Variants in IGFN1 observed in about 807,000 individuals in gnomAD.
IGFN1 encodes immunoglobulin like and fibronectin type III domain containing 1.
IGFN1 carries 253 observed loss-of-function variants against 289.5 expected under a neutral mutation model. That is an observed-to-expected ratio of 0.87 (90% CI 0.79 to 0.97). IGFN1 has a LOEUF of 0.97. Among genes scored for constraint, IGFN1 ranks in the 50% least tolerant of loss-of-function variants. The pLI, the probability that IGFN1 is intolerant of heterozygous loss-of-function variation, is 0.00. For synonymous variants in IGFN1, 1,706 were observed against 1,788.5 expected (o/e 0.95, Z 1.16); for missense variants, 4,470 against 4,686.1 (o/e 0.95, Z 1.35).
intron 19 of IGFN1, 145 bp downstream of exon 19, chr1:201,221,891 T>TCAATAA: frequency 3.1e-6 from 2 of 647,264 alleles, no homozygotes; most frequent in Non-Finnish European, 5.3e-6. Context: ...TACTAGGTGC[T>TCAATAA]AGGTACTGGG....
chr1:201,208,813 G>C lies in IGFN1; in HGVS notation c.3920G>C (p.Arg1307Thr). ...GGTTCGGGGAGCAAGGCAGATTATAGGGATGGTGTAGGGGGTTCTGGGGCA... is the reference window on the plus strand; with the variant it reads ...GGTTCGGGGAGCAAGGCAGATTATACGGATGGTGTAGGGGGTTCTGGGGCA... ...NMGSGSKADY[R>T]DGVGGSGAMG... is the part of the protein sequence containing the mutation. Residue 1307 changes from arginine to threonine, a missense_variant, in exon 12 of 24, where the codon AGG becomes ACG. Physicochemically the swap from Arg to Thr is moderately conservative, Grantham distance 71 (BLOSUM62 -1). Around this residue, in one of 8 missense-constraint regions of IGFN1, gnomAD observed 2,011 missense variants for 1,953.4 expected, o/e 1.03. Transcript: ENST00000335211. 6.5e-7 allele frequency: 1 copy of C among 1,536,600 alleles called. No individual in the cohort carries two copies. The highest frequency in any genetic ancestry group is 1.2e-5 in the South Asian group (1 of 84,036).
At chr1:201,202,255 AG>A (rs1260201079) in intron 9 of IGFN1, among the ~76,000 whole-genome samples, 2 of 152,134 alleles carry the variant, frequency 1.3e-5, no homozygotes, top group East Asian at 3.9e-4. Context: ...AAATTTGGCT[AG>A]TTCTGTAGCC....
chr1:201,226,965 C>G lies in IGFN1; in HGVS notation c.10870C>G (p.Leu3624Val), dbSNP rs373380482. ...PRFLVGLRSH[L>V]LPQGCECCMS... is the part of the protein sequence containing the mutation. ...GTTCCTGGTGGGCCTGCGGTCCCACCTGCTGCCCCAGGGCTGCGAGTGCTG... is the reference window on the plus strand; with the variant it reads ...GTTCCTGGTGGGCCTGCGGTCCCACGTGCTGCCCCAGGGCTGCGAGTGCTG... The change falls in exon 23 of 24, where the codon CTG (leucine) becomes GTG (valine). Residue 3624 changes from leucine (L) to valine (V), a missense_variant. Physicochemically the swap from Leu to Val is conservative, Grantham distance 32 (BLOSUM62 1). Around this residue, in one of 8 missense-constraint regions of IGFN1, gnomAD observed 2,218 missense variants for 2,114.1 expected, o/e 1.05. Transcript: ENST00000335211. The G allele has an allele frequency of 6.2e-7, 1 of 1,612,992 alleles. No homozygotes were observed.
At position 201,212,747 on chromosome 1, in the gene IGFN1, A is replaced by G; in HGVS notation, c.7854A>G (p.Arg2618=). 1 of 1,551,540 alleles carries G rather than the reference A, an allele frequency of 6.4e-7. No individual in the cohort carries two copies. The highest frequency in any genetic ancestry group is 2.0e-5 in the Admixed American group (1 of 50,994). ...RGKSTSGPAD[R]QGTSNAWAPD... ...AGTCAACATCAGGGCCTGCTGATAG[A>G]CAAGGGACGAGCAATGCTTGGGCTC... The change falls in exon 12 of 24, where the codon AGA becomes AGG. Residue 2618 remains arginine, a synonymous_variant. Transcript: ENST00000335211.
chr1:201,218,765 G>C (rs1165079980), intron 18 of IGFN1, 107 bp downstream of exon 18: 3 of 1,125,604 alleles, frequency 2.7e-6, no homozygotes, highest in Non-Finnish European at 3.8e-6. Context: ...GGGCAGTCCT[G>C]AGGGAGATGG....
intron 12 of IGFN1, among the ~76,000 whole-genome samples, 173 bp downstream of exon 12, chr1:201,213,794 C>A (rs914762898): frequency 6.6e-6 from 1 of 152,170 alleles, no homozygotes; most frequent in Non-Finnish European, 1.5e-5. Flanking sequence ...ACCTCTTCCT[C>A]TTTACGCAGA....
In IGFN1 at chr1:201,226,923, C is replaced by A; in HGVS notation, c.10828C>A (p.Leu3610Met). 6.2e-7 allele frequency: 1 copy of A among 1,609,502 alleles called. No individual in the cohort carries two copies. Among genetic ancestry groups the A allele is most frequent in the Non-Finnish European group, 8.5e-7 (1 of 1,177,726 alleles). Reference sequence around the variant, plus strand: ...GGCTCCGTGCTACCGGGAGCCCGACCTGAGCCAGAAGCCCCGGTTCCTGGT... The same window carrying A: ...GGCTCCGTGCTACCGGGAGCCCGACATGAGCCAGAAGCCCCGGTTCCTGGT... ...VKAPCYREPD[L>M]SQKPRFLVGL... The change falls in exon 23 of 24, where the codon CTG (leucine) becomes ATG (methionine). Residue 3610 changes from leucine to methionine, a missense_variant. Leu to Met is a conservative substitution (Grantham distance 15). Coordinates refer to ENST00000335211, the MANE Select transcript of IGFN1 (RefSeq NM_001164586.2).
intron 2 of IGFN1, among the ~76,000 whole-genome samples, chr1:201,193,700 C>A (rs1280091929): frequency 6.6e-6 from 1 of 152,214 alleles, no homozygotes; most frequent in Non-Finnish European, 1.5e-5. Flanking sequence ...GATCTGCCCA[C>A]CTCGGCCTCC....
rs970864704 is a variant in IGFN1 at position 201,205,090 on chromosome 1, C to G, written c.925C>G (p.Pro309Ala). Residue 309 changes from proline to alanine, a missense_variant, in exon 11 of 24, where the codon CCA (proline) becomes GCA (alanine). By Grantham distance (27) the Pro-to-Ala change is conservative (BLOSUM62 -1). This residue lies in a region of IGFN1 where 2,011 missense variants were observed against 1,953.4 expected (regional missense o/e 1.03). Transcript: ENST00000335211. ...TCCTATTTCCCCGGCAGCCATCCCCCCAAGAGTGGTGGTCCCACTGGCGGA... is the reference window on the plus strand; with the variant it reads ...TCCTATTTCCCCGGCAGCCATCCCCGCAAGAGTGGTGGTCCCACTGGCGGA... ...STELEASAIP[P>A]RVVVPLAETH... is the part of the protein sequence containing the mutation. The G allele has an allele frequency of 1.3e-6, 2 of 1,545,542 alleles. No individual in the cohort carries two copies. Among genetic ancestry groups the G allele is most frequent in the East Asian group, 2.5e-5 (1 of 40,772 alleles).
In IGFN1 at chr1:201,212,041, A is replaced by G; in HGVS notation, c.7148A>G (p.His2383Arg). 6.5e-7 allele frequency: 1 copy of G among 1,536,360 alleles called. No individual in the cohort carries two copies. Among genetic ancestry groups the G allele is most frequent in the South Asian group, 1.2e-5 (1 of 84,062 alleles). ...GIGHEAGPRG[H>R]KAMGHRSGYW... Reference sequence around the variant, plus strand: ...GGACATGAGGCTGGACCCAGAGGCCATAAAGCCATGGGTCACAGGTCAGGA... The same window carrying G: ...GGACATGAGGCTGGACCCAGAGGCCGTAAAGCCATGGGTCACAGGTCAGGA... Residue 2383 changes from histidine to arginine, a missense_variant, in exon 12 of 24, where the codon CAT becomes CGT. Transcript: ENST00000335211.
chr1:201,200,990 C>G (rs1667127435), intron 8 of IGFN1, among the ~76,000 whole-genome samples: 1 of 152,040 alleles, frequency 6.6e-6, no homozygotes, highest in Non-Finnish European at 1.5e-5. Context: ...TGCCACCACA[C>G]CCAGCTAACT....
Position 201,207,536 on chromosome 1 carries a change from G to T in IGFN1, c.2643G>T (p.Gln881His). 6.5e-7 allele frequency: 1 copy of T among 1,536,826 alleles called. No individual in the cohort carries two copies. Among genetic ancestry groups the T allele is most frequent in the Non-Finnish European group, 8.7e-7 (1 of 1,146,772 alleles). The change falls in exon 12 of 24, where the codon CAG becomes CAT. Residue 881 changes from glutamine to histidine, a missense_variant. Around this residue, in one of 8 missense-constraint regions of IGFN1, gnomAD observed 2,011 missense variants for 1,953.4 expected, o/e 1.03. Transcript: ENST00000335211. ...TGGCTGGACTGACGGAGTCTGGTCA[G>T]GGGGTGGATGCCAGAAGCCACTGGC... Reference protein sequence around the residue: ...IWVAGLTESGQGVDARSHWLS... With the variant: ...IWVAGLTESGHGVDARSHWLS...
At chr1:201,217,251 A>G (rs1461148881) in intron 16 of IGFN1, 36 bp from the exon 17 acceptor site, 2 of 1,600,834 alleles carry the variant, frequency 1.2e-6, no homozygotes, top group Non-Finnish European at 1.7e-6. Context: ...CACCTTTCCC[A>G]GGCCTCTGGC....
chr1:201,221,910 T>C (rs935816970), intron 19 of IGFN1, among the ~76,000 whole-genome samples, 164 bp downstream of exon 19: 2 of 152,220 alleles, frequency 1.3e-5, no homozygotes, highest in African/African-American at 2.4e-5. Context: ...GGCTAGGCAG[T>C]CCCTTCTTAG....
chr1:201,208,469 C>T lies in IGFN1; in HGVS notation c.3576C>T (p.Leu1192=), dbSNP rs754742430. The change falls in exon 12 of 24, where the codon CTC becomes CTT. Residue 1192 remains leucine, a synonymous_variant. Coordinates refer to ENST00000335211, the MANE Select transcript of IGFN1 (RefSeq NM_001164586.2). ...YRDDTRHPES[L]APHNGAASGS... is the part of the protein sequence containing the mutation. ...ATGATACCAGGCACCCTGAGTCACT[C>T]GCACCTCACAATGGGGCCGCTTCTG... The T allele has an allele frequency of 2.9e-5, 42 of 1,445,970 alleles. No homozygotes were observed. The Middle Eastern group carries it at 1.1e-3, about 37-fold the overall frequency. 89.6% of individuals were successfully genotyped at this position (1,445,970 alleles called of 1,614,324 possible).
At position 201,221,499 on chromosome 1, in the gene IGFN1, C is replaced by A; in HGVS notation, c.9954C>A (p.Ile3318=). Residue 3318 remains isoleucine, a synonymous_variant, in exon 19 of 24, where the codon ATC becomes ATA. Coordinates refer to ENST00000335211, the MANE Select transcript of IGFN1 (RefSeq NM_001164586.2). ...LQVTDRSNTS[I]TLSWAGPDTQ... ...TCACAGACAGATCGAACACCAGCATCACTCTGAGCTGGGCTGGGCCAGACA... is the reference window on the plus strand; with the variant it reads ...TCACAGACAGATCGAACACCAGCATAACTCTGAGCTGGGCTGGGCCAGACA... 6.2e-7 allele frequency: 1 copy of A among 1,613,298 alleles called. No homozygotes were observed. Among genetic ancestry groups the A allele is most frequent in the Non-Finnish European group, 8.5e-7 (1 of 1,179,594 alleles).
intron 2 of IGFN1, 62 bp downstream of exon 2, chr1:201,193,362 G>A: frequency 2.4e-6 from 3 of 1,231,038 alleles, no homozygotes; most frequent in Non-Finnish European, 3.5e-6. Context: ...AGGACAGAGA[G>A]GAGAGAAGTG....
intron 22 of IGFN1, 38 bp from the exon 23 acceptor site, chr1:201,226,844 T>C: frequency 6.7e-7 from 1 of 1,502,808 alleles, no homozygotes; most frequent in Non-Finnish European, 9.0e-7. Context: ...CCTTCCTCGC[T>C]TTCTCACCCT....
rs1026769054 is a variant in IGFN1 at position 201,227,457 on chromosome 1, C to T, written c.11113+249C>T. On this transcript the variant is annotated intron_variant, in intron 23 of 23. Coordinates refer to ENST00000335211, the MANE Select transcript of IGFN1 (RefSeq NM_001164586.2). Reference sequence around the variant, plus strand: ...TTTTTTTTTTTTTGAGACGGAGTTTCGCTCTTGTTGCCCAGGTTGGAGTGC... The same window carrying T: ...TTTTTTTTTTTTTGAGACGGAGTTTTGCTCTTGTTGCCCAGGTTGGAGTGC... Among the ~76,000 whole-genome samples the T allele has an allele frequency of 4.3e-4, 65 of 149,848 alleles. 1 individual carries two copies. Among genetic ancestry groups the T allele is most frequent in the Non-Finnish European group, 1.0e-4 (7 of 67,606 alleles).
Sources: allele counts gnomAD v4.1 joint callset (sites outside exome capture counted in the v4.1 genomes callset), GRCh38; gene constraint gnomAD v4.1.1; regional missense constraint gnomAD v4.1.1; transcripts MANE v1.5; gene names NCBI Gene and HGNC (gene_info 2026-07-23, HGNC 2026-07-21).